CSNK1A1L: variants seen among roughly 807,000 people sequenced by gnomAD.
The protein encoded by CSNK1A1L is casein kinase I isoform alpha-like.
In CSNK1A1L, 20 loss-of-function variants were observed where a neutral mutation model predicts 24.6. The observed-to-expected ratio is 0.81, with a 90% CI of 0.57 to 1.18. The LOEUF (loss-of-function observed/expected upper bound fraction) is 1.18, where lower values mean the gene tolerates loss of function less well. Ranked by LOEUF, CSNK1A1L falls within the 50% of genes most tolerant of loss-of-function variation. The probability of loss-of-function intolerance (pLI) is 0.00; values close to 1 mark genes in which losing one functional copy is unlikely to be tolerated. For synonymous variants in CSNK1A1L, 152 were observed against 154.0 expected (o/e 0.99, Z 0.09); for missense variants, 414 against 419.0 (o/e 0.99, Z 0.10).
In CSNK1A1L at chr13:37,105,335, C is replaced by G. The variant is rs568409751; in HGVS notation, c.-79G>C. On this transcript the variant is annotated 5_prime_UTR_variant, in exon 1 of 1. Transcript: ENST00000379800. ...TGGAGGCCTCCGGGGCCCACCGGCC[C>G]GCAAGGCTGAGGATGAGGGCTGCTG... 14 of 1,490,804 alleles carry G rather than the reference C, an allele frequency of 9.4e-6. No homozygotes were observed. The highest frequency in any genetic ancestry group is 6.8e-5 in the East Asian group (3 of 44,126). The allele number at this position is 1,490,804 out of a possible 1,614,324, so 92.3% of individuals were successfully genotyped here.
In CSNK1A1L at chr13:37,105,465, A is replaced by C; in HGVS notation, c.-209T>G. The C allele has an allele frequency of 5.5e-6, 3 of 546,602 alleles. No homozygotes were observed. Among genetic ancestry groups the C allele is most frequent in the Non-Finnish European group, 9.8e-6 (3 of 306,400 alleles). 33.9% of individuals were successfully genotyped at this position (546,602 alleles called of 1,614,324 possible). ...AGGCCACAGTTTGCGAGGGTTTCTC[A>C]AGGTTCCAGGCTGGGCCACCACCTC... On this transcript the variant is annotated 5_prime_UTR_variant, in exon 1 of 1. Transcript: ENST00000379800.
rs767653119 is a variant in CSNK1A1L at position 37,104,275 on chromosome 13, C to T, written c.982G>A (p.Glu328Lys). ...TCTTTCACATTATTCTTGTTTTTTT[C>T]AGTTTGCTTGCCTGTCTGGGTTTGG... ...QAQTQTGKQTEKNKNNVKDN is the reference protein window; with the variant it reads ...QAQTQTGKQTKKNKNNVKDN The change falls in exon 1 of 1, where the codon GAA becomes AAA. Residue 328 changes from glutamate to lysine, a missense_variant. Glu to Lys is a moderately conservative substitution (Grantham distance 56). Coordinates refer to ENST00000379800, the MANE Select transcript of CSNK1A1L (RefSeq NM_145203.6). The T allele has an allele frequency of 6.2e-7, 1 of 1,613,928 alleles. No individual in the cohort carries two copies. The highest frequency in any genetic ancestry group is 8.5e-7 in the Non-Finnish European group (1 of 1,179,966).
rs1276047295 is a variant in CSNK1A1L at position 37,103,537 on chromosome 13, G to T, written c.*706C>A. The T allele has an allele frequency of 6.5e-6, 1 of 153,220 alleles. No individual in the cohort carries two copies. The highest frequency in any genetic ancestry group is 1.9e-4 in the East Asian group (1 of 5,200). The allele number at this position is 153,220 out of a possible 1,614,324, so 9.5% of individuals were successfully genotyped here. A position where few individuals can be genotyped will look rare whatever the true frequency, so the allele number is the denominator to read the frequency against. On this transcript the variant is annotated 3_prime_UTR_variant, in exon 1 of 1. Coordinates refer to ENST00000379800, the MANE Select transcript of CSNK1A1L (RefSeq NM_145203.6). ...AAGCCATGTACATACATGTTCAGTTGTAAGATGTTAACTAAATTTCTGTGA... is the reference window on the plus strand; with the variant it reads ...AAGCCATGTACATACATGTTCAGTTTTAAGATGTTAACTAAATTTCTGTGA...
rs770861569 is a variant in CSNK1A1L, at chr13:37,104,223, C to G, written c.*20G>C. The G allele has an allele frequency of 3.7e-6, 6 of 1,614,132 alleles. No homozygotes were observed. Among genetic ancestry groups the G allele is most frequent in the Middle Eastern group, 1.6e-4 (1 of 6,062 alleles). ...GCTGCTCGAATCATCTGCTCTGCTT[C>G]TTCTGTTCCTCATTCACGCTTAGTT... On this transcript the variant is annotated 3_prime_UTR_variant, in exon 1 of 1. Coordinates refer to ENST00000379800, the MANE Select transcript of CSNK1A1L (RefSeq NM_145203.6).
At position 37,104,347 on chromosome 13, in the gene CSNK1A1L, T is replaced by C; in HGVS notation, c.910A>G (p.Lys304Glu). ...GAAGAGGCTGCCTGCTGTGCTGCTT[T>C]CTGCTTTAACATCGTCCAATCAAAT... ...YTFDWTMLKQ[K>E]AAQQAASSSG... The change falls in exon 1 of 1, where the codon AAA (lysine) becomes GAA (glutamate). Residue 304 changes from lysine to glutamate, a missense_variant. Lys to Glu is a moderately conservative substitution (Grantham distance 56). Transcript: ENST00000379800. 1 of 1,614,232 alleles carries C rather than the reference T, an allele frequency of 6.2e-7. No homozygotes were observed. The highest frequency in any genetic ancestry group is 1.1e-5 in the South Asian group (1 of 91,086).
chr13:37,103,410 A>G lies in CSNK1A1L; in HGVS notation c.*833T>C, dbSNP rs2070758725. 1 of 152,394 alleles carries G rather than the reference A, an allele frequency of 6.6e-6. No homozygotes were observed. Among genetic ancestry groups the G allele is most frequent in the South Asian group, 2.1e-4 (1 of 4,834 alleles). 9.4% of individuals were successfully genotyped at this position (152,394 alleles called of 1,614,324 possible). Reference sequence around the variant, plus strand: ...AAAAGTATTATTTCCTTATAGAAACAGTTTTCAGATTTTAGTGAACTTGTA... The same window carrying G: ...AAAAGTATTATTTCCTTATAGAAACGGTTTTCAGATTTTAGTGAACTTGTA... On this transcript the variant is annotated 3_prime_UTR_variant, in exon 1 of 1. Transcript: ENST00000379800.
Position 37,104,392 on chromosome 13 carries a change from T to A in CSNK1A1L, c.865A>T (p.Asn289Tyr). 1 of 1,614,174 alleles carries A rather than the reference T, an allele frequency of 6.2e-7. No individual in the cohort carries two copies. The highest frequency in any genetic ancestry group is 8.5e-7 in the Non-Finnish European group (1 of 1,180,030). ...TCAAATGTGTAGTCATATTGGTGGT[T>A]CAGGGTCCTGAAAAGAATGCGGAAT... ...QLFRILFRTL[N>Y]HQYDYTFDWT... The change falls in exon 1 of 1, where the codon AAC becomes TAC. Residue 289 changes from asparagine to tyrosine, a missense_variant. Coordinates refer to ENST00000379800, the MANE Select transcript of CSNK1A1L (RefSeq NM_145203.6).
In CSNK1A1L at chr13:37,103,528, T is replaced by C. The variant is rs2070759296; in HGVS notation, c.*715A>G. The C allele has an allele frequency of 6.5e-6, 1 of 153,024 alleles. No homozygotes were observed. The highest frequency in any genetic ancestry group is 2.4e-5 in the African/African-American group (1 of 41,482). 9.5% of individuals were successfully genotyped at this position (153,024 alleles called of 1,614,324 possible). A position where few individuals can be genotyped will look rare whatever the true frequency, so the allele number is the denominator to read the frequency against. Reference sequence around the variant, plus strand: ...CATTTATCTAAGCCATGTACATACATGTTCAGTTGTAAGATGTTAACTAAA... The same window carrying C: ...CATTTATCTAAGCCATGTACATACACGTTCAGTTGTAAGATGTTAACTAAA... On this transcript the variant is annotated 3_prime_UTR_variant, in exon 1 of 1. Coordinates refer to ENST00000379800, the MANE Select transcript of CSNK1A1L (RefSeq NM_145203.6).
At chr13:37,104,881 AT>A in the CSNK1A1L span, 1 of 1,614,044 alleles carries the variant, frequency 6.2e-7, no homozygotes, top group African/African-American at 1.3e-5. Flanking sequence ...GTATGCACGT[AT>A]TCAATTCTGC....
the CSNK1A1L span, chr13:37,104,509 T>TA: frequency 2.5e-6 from 4 of 1,614,234 alleles, no homozygotes; most frequent in Non-Finnish European, 3.4e-6. Context: ...GGAAACCCCT[T>TA]ACATAAAACT....
At position 37,105,243 on chromosome 13, in the gene CSNK1A1L, C is replaced by A; in HGVS notation, c.14G>T (p.Ser5Ile). The A allele has an allele frequency of 6.2e-7, 1 of 1,613,444 alleles. No individual in the cohort carries two copies. Among genetic ancestry groups the A allele is most frequent in the Admixed American group, 1.7e-5 (1 of 60,002 alleles). Residue 5 changes from serine (S) to isoleucine (I), a missense_variant, in exon 1 of 1, where the codon AGC (serine) becomes ATC (isoleucine). By Grantham distance (142) the Ser-to-Ile change is moderately radical (BLOSUM62 -2). Transcript: ENST00000379800. Reference sequence around the variant, plus strand: ...CACAACGAGTTCGGCTTTGGAGCCGCTGTTGTTTGTCATCCTGAGAGGCAA... The same window carrying A: ...CACAACGAGTTCGGCTTTGGAGCCGATGTTGTTTGTCATCCTGAGAGGCAA... MTNN[S>I]GSKAELVVGG...
chr13:37,103,980 C>G lies in CSNK1A1L; in HGVS notation c.*263G>C, dbSNP rs2070761342. ...TGTGTCAACCATTTAGTTAACTTTT[C>G]TACTTGAATAAATGCAATAGAAAAC... On this transcript the variant is annotated 3_prime_UTR_variant, in exon 1 of 1. Transcript: ENST00000379800. The G allele has an allele frequency of 1.9e-6, 1 of 527,824 alleles. No individual in the cohort carries two copies. Among genetic ancestry groups the G allele is most frequent in the African/African-American group, 1.9e-5 (1 of 52,692 alleles). 32.7% of individuals were successfully genotyped at this position (527,824 alleles called of 1,614,324 possible).
chr13:37,104,186 G>A lies in CSNK1A1L; in HGVS notation c.*57C>T. The A allele has an allele frequency of 6.2e-7, 1 of 1,606,900 alleles. No homozygotes were observed. Among genetic ancestry groups the A allele is most frequent in the Non-Finnish European group, 8.5e-7 (1 of 1,174,114 alleles). On this transcript the variant is annotated 3_prime_UTR_variant, in exon 1 of 1. Transcript: ENST00000379800. ...TATGAACTACAATTTCTAGATGTGGGGAGAAACAAATGCTGCTCGAATCAT... is the reference window on the plus strand; with the variant it reads ...TATGAACTACAATTTCTAGATGTGGAGAGAAACAAATGCTGCTCGAATCAT...
chr13:37,103,416 C>G lies in CSNK1A1L; in HGVS notation c.*827G>C, dbSNP rs570578733. The stretch of plus-strand genomic sequence containing the variant: ...ATTATTTCCTTATAGAAACAGTTTT[C>G]AGATTTTAGTGAACTTGTAAAACAT... On this transcript the variant is annotated 3_prime_UTR_variant, in exon 1 of 1. Coordinates refer to ENST00000379800, the MANE Select transcript of CSNK1A1L (RefSeq NM_145203.6). 8.5e-5 allele frequency: 13 copies of G among 152,340 alleles called. No individual in the cohort carries two copies. Among genetic ancestry groups the G allele is most frequent in the African/African-American group, 2.4e-4 (10 of 41,526 alleles). 9.4% of individuals were successfully genotyped at this position (152,340 alleles called of 1,614,324 possible).
At position 37,104,179 on chromosome 13, in the gene CSNK1A1L, G is replaced by A; in HGVS notation, c.*64C>T. On this transcript the variant is annotated 3_prime_UTR_variant, in exon 1 of 1. Coordinates refer to ENST00000379800, the MANE Select transcript of CSNK1A1L (RefSeq NM_145203.6). ...GTGTACATATGAACTACAATTTCTA[G>A]ATGTGGGGAGAAACAAATGCTGCTC... The A allele has an allele frequency of 6.2e-7, 1 of 1,601,024 alleles. No homozygotes were observed.
Position 37,105,627 on chromosome 13 carries a change from C to A in CSNK1A1L, c.-371G>T. On this transcript the variant is annotated 5_prime_UTR_variant, in exon 1 of 1. Coordinates refer to ENST00000379800, the MANE Select transcript of CSNK1A1L (RefSeq NM_145203.6). ...CCAGAGGGCCCGGTCACGCCGCCGGCGCCGCCATTTTGTTCCTCCACCTCA... is the reference window on the plus strand; with the variant it reads ...CCAGAGGGCCCGGTCACGCCGCCGGAGCCGCCATTTTGTTCCTCCACCTCA... 4.8e-6 allele frequency: 1 copy of A among 207,448 alleles called. No individual in the cohort carries two copies. The allele number at this position is 207,448 out of a possible 1,614,324, so 12.9% of individuals were successfully genotyped here.
rs766718454 is a variant in CSNK1A1L, at chr13:37,104,406, A to G, written c.851T>C (p.Leu284Pro). The G allele has an allele frequency of 2.5e-6, 4 of 1,614,088 alleles. No individual in the cohort carries two copies. The highest frequency in any genetic ancestry group is 3.4e-6 in the Non-Finnish European group (4 of 1,180,050). ...YMYLRQLFRI[L>P]FRTLNHQYDY... ...ATATTGGTGGTTCAGGGTCCTGAAA[A>G]GAATGCGGAATAGCTGCCTCAGATA... is the stretch of plus-strand genomic sequence containing the variant. The change falls in exon 1 of 1, where the codon CTT (leucine) becomes CCT (proline). Residue 284 changes from leucine to proline, a missense_variant. Leu to Pro is a moderately conservative substitution (Grantham distance 98). Transcript: ENST00000379800.
In CSNK1A1L at chr13:37,103,280, G is replaced by A. The variant is rs532538019; in HGVS notation, c.*963C>T. ...TTATATAATGAAATAAAATTTACTT[G>A]CAAGGGAATATCATGTAACAAATGG... On this transcript the variant is annotated 3_prime_UTR_variant, in exon 1 of 1. Transcript: ENST00000379800. 7 of 152,280 alleles carry A rather than the reference G, an allele frequency of 4.6e-5. No homozygotes were observed. The highest frequency in any genetic ancestry group is 4.6e-4 in the Admixed American group (7 of 15,304). 9.4% of individuals were successfully genotyped at this position (152,280 alleles called of 1,614,324 possible). A position where few individuals can be genotyped will look rare whatever the true frequency, so the allele number is the denominator to read the frequency against.
Position 37,104,592 on chromosome 13 carries a change from T to G in CSNK1A1L, c.665A>C (p.Gln222Pro), listed in dbSNP as rs141723161. ...TTTTTTTGTCATAGCCCTTAGTCCT[T>G]GCCACGGCAGGCTGGTTCTATTAAA... Reference protein sequence around the residue: ...MYFNRTSLPWQGLRAMTKKQK... With the variant: ...MYFNRTSLPWPGLRAMTKKQK... Residue 222 changes from glutamine (Q) to proline (P), a missense_variant, in exon 1 of 1, where the codon CAA (glutamine) becomes CCA (proline). Coordinates refer to ENST00000379800, the MANE Select transcript of CSNK1A1L (RefSeq NM_145203.6). 6.2e-7 allele frequency: 1 copy of G among 1,614,208 alleles called. No individual in the cohort carries two copies. The highest frequency in any genetic ancestry group is 2.2e-5 in the East Asian group (1 of 44,886).
Sources: allele counts gnomAD v4.1 joint callset, GRCh38; gene constraint gnomAD v4.1.1; transcripts MANE v1.5; gene names NCBI Gene and HGNC (gene_info 2026-07-23, HGNC 2026-07-21).